HSPBAP1: variants seen among roughly 807,000 people sequenced by gnomAD.
The protein encoded by HSPBAP1 is HSPB1-associated protein 1.
Under a neutral mutation model 45.2 loss-of-function variants are expected in HSPBAP1, and 27 were observed. That is an observed-to-expected ratio of 0.60 (90% CI 0.44 to 0.82). The LOEUF (loss-of-function observed/expected upper bound fraction) is 0.82. Ranked by LOEUF, HSPBAP1 falls within the 40% of genes least tolerant of loss-of-function variation. The pLI, the probability that HSPBAP1 is intolerant of heterozygous loss-of-function variation, is 0.00. For missense variants in HSPBAP1, 510 were observed against 590.9 expected, an observed-to-expected ratio of 0.86 and a Z score of 1.42; for synonymous variants, 204 against 202.7, an observed-to-expected ratio of 1.01 and a Z score of -0.06.
At chr3:122,759,472 T>C (rs1401745442) in intron 3 of HSPBAP1, 112 bp from the exon 4 acceptor site, 4 of 1,151,536 alleles carry the variant, frequency 3.5e-6, no homozygotes, top group African/African-American at 1.5e-5. Context: ...TATTCTATTA[T>C]GGAAAATGCT....
chr3:122,755,758 T>C (rs1283885047), intron 4 of HSPBAP1, among the ~76,000 whole-genome samples: 3 of 152,040 alleles, frequency 2.0e-5, no homozygotes, highest in South Asian at 4.2e-4. Context: ...TTCTCATAAA[T>C]AGTTTTCATC....
At chr3:122,787,503 T>C (rs1935693068) in intron 1 of HSPBAP1, among the ~76,000 whole-genome samples, 2 of 152,192 alleles carry the variant, frequency 1.3e-5, no homozygotes, top group Non-Finnish European at 2.9e-5. Flanking sequence ...TCATCAGATA[T>C]AATTTTAATG....
In HSPBAP1 at chr3:122,778,518, T is replaced by A. The variant is rs367919311; in HGVS notation, c.65-612A>T. Among the ~76,000 whole-genome samples, 146 of 98,464 alleles carry A rather than the reference T, an allele frequency of 1.5e-3. 2 individuals carry two copies. The South Asian group carries it at 0.021, about 14-fold the overall frequency. The allele number at this position is 98,464 out of a possible 152,430, so 64.6% of individuals were successfully genotyped here. ...CATCCACAGTCTAGTATTTCTTTTT[T>A]TTTTATTTTTTTTTTTTTTTTGAGA... On this transcript the variant is annotated intron_variant, in intron 1 of 7. Coordinates refer to ENST00000306103, the MANE Select transcript of HSPBAP1 (RefSeq NM_024610.6).
At chr3:122,770,537 A>C (rs1367289710) in intron 2 of HSPBAP1, among the ~76,000 whole-genome samples, 1 of 152,102 alleles carries the variant, frequency 6.6e-6, no homozygotes. Context: ...TGTCTCTACA[A>C]AAAATACAAA....
intron 1 of HSPBAP1, among the ~76,000 whole-genome samples, chr3:122,793,363 A>G (rs896667633): frequency 2.0e-5 from 3 of 152,262 alleles, no homozygotes; most frequent in Admixed American, 6.5e-5. Context: ...GGGCAAATAT[A>G]AAACAAAACA....
chr3:122,747,364 G>A (rs888019561), intron 6 of HSPBAP1, among the ~76,000 whole-genome samples: 1 of 151,730 alleles, frequency 6.6e-6, no homozygotes, highest in African/African-American at 2.4e-5. Context: ...GAGAAGTGAG[G>A]AGACCCTCCG....
At chr3:122,788,731 T>C (rs1239006928) in intron 1 of HSPBAP1, among the ~76,000 whole-genome samples, 1 of 152,072 alleles carries the variant, frequency 6.6e-6, no homozygotes, top group Non-Finnish European at 1.5e-5. Flanking sequence ...TTATATGGAG[T>C]ATCTAAAGTG....
At chr3:122,741,249 G>T in intron 6 of HSPBAP1, 136 bp from the exon 7 acceptor site, 1 of 661,912 alleles carries the variant, frequency 1.5e-6, no homozygotes. Context: ...TATGCTATTG[G>T]TAGAACCACA....
intron 1 of HSPBAP1, among the ~76,000 whole-genome samples, chr3:122,792,515 A>G (rs1244959859): frequency 6.6e-6 from 1 of 152,060 alleles, no homozygotes; most frequent in Non-Finnish European, 1.5e-5. Context: ...TCTGCTTGGA[A>G]TGGGCATCTC....
At chr3:122,759,412 T>A (rs750334945) in intron 3 of HSPBAP1, 52 bp from the exon 4 acceptor site, 23 of 1,556,672 alleles carry the variant, frequency 1.5e-5, no homozygotes, top group Non-Finnish European at 1.8e-5. Flanking sequence ...CTTCTCTGTA[T>A]GGTAATGCTG....
intron 6 of HSPBAP1, among the ~76,000 whole-genome samples, chr3:122,746,493 G>C (rs1933859129): frequency 6.6e-6 from 1 of 151,628 alleles, no homozygotes; most frequent in South Asian, 2.1e-4. Flanking sequence ...CAGGTATCTA[G>C]TATATGATTA....
intron 1 of HSPBAP1, among the ~76,000 whole-genome samples, chr3:122,790,779 C>T (rs900247532): frequency 5.3e-5 from 8 of 151,932 alleles, no homozygotes; most frequent in Non-Finnish European, 7.4e-5. Context: ...GCCAGGAGTT[C>T]GAGACCAGCC....
chr3:122,758,441 A>G (rs1934435212), intron 4 of HSPBAP1, among the ~76,000 whole-genome samples: 1 of 152,218 alleles, frequency 6.6e-6, no homozygotes, highest in African/African-American at 2.4e-5. Flanking sequence ...TTTAGAGTTG[A>G]AAGCGTCCAG....
At chr3:122,777,206 T>G (rs563092828) in intron 2 of HSPBAP1, among the ~76,000 whole-genome samples, 1 of 152,318 alleles carries the variant, frequency 6.6e-6, no homozygotes, top group East Asian at 1.9e-4. Context: ...TTACATATGT[T>G]TCATGTTTGT....
At chr3:122,751,237 CTACTTTT>C (rs1347602942) in intron 6 of HSPBAP1, among the ~76,000 whole-genome samples, 2 of 152,194 alleles carry the variant, frequency 1.3e-5, no homozygotes, top group African/African-American at 4.8e-5. Flanking sequence ...ATAGCAATTT[CTACTTTT>C]TAAACACTTC....
intron 5 of HSPBAP1, 59 bp from the exon 6 acceptor site, chr3:122,752,733 A>C: frequency 3.4e-6 from 5 of 1,483,542 alleles, no homozygotes; most frequent in Non-Finnish European, 4.6e-6. Context: ...TTTATGTCAG[A>C]ATCAGACCCT....
chr3:122,758,896 CAAAAAAAA>C, intron 4 of HSPBAP1: 4 of 199,292 alleles, frequency 2.0e-5, no homozygotes, highest in Non-Finnish European at 1.9e-5. Context: ...TCTAATTTAC[CAAAAAAAA>C]AAAAAAAAAA....
chr3:122,768,916 A>AC, intron 2 of HSPBAP1, 34 bp from the exon 3 acceptor site: 1 of 1,287,972 alleles, frequency 7.8e-7, no homozygotes, highest in Non-Finnish European at 1.1e-6. Flanking sequence ...TTAAATGTAT[A>AC]ATGAACACAT....
intron 2 of HSPBAP1, 62 bp downstream of exon 2, chr3:122,777,659 C>T (rs950270760): frequency 2.1e-5 from 25 of 1,178,028 alleles, no homozygotes; most frequent in Non-Finnish European, 3.0e-5. Context: ...CAGGAGGCCA[C>T]TGCTGAGAAT....
Sources: gnomAD v4.1 joint callset for allele counts (sites outside exome capture counted in the v4.1 genomes callset) on GRCh38, gnomAD v4.1.1 for gene constraint, MANE v1.5 for transcripts, NCBI Gene and HGNC (gene_info 2026-07-23, HGNC 2026-07-21) for gene names.